BDKRB2: variants seen among roughly 807,000 people sequenced by gnomAD.
BDKRB2 encodes the protein B2 bradykinin receptor.
BDKRB2 carries 6 observed loss-of-function variants against 4.0 expected under a neutral mutation model. The ratio of observed to expected loss-of-function variants is 1.49; its 90% CI spans 0.81 to 2.93. The LOEUF is 2.93. Ranked by LOEUF, BDKRB2 falls within the 30% of genes most tolerant of loss-of-function variation. The pLI, the probability that BDKRB2 is intolerant of heterozygous loss-of-function variation, is 0.00. For synonymous variants in BDKRB2, 225 were observed against 215.3 expected, an observed-to-expected ratio of 1.05 and a Z score of -0.40; for missense variants, 478 against 520.1, an observed-to-expected ratio of 0.92 and a Z score of 0.79.
intron 1 of BDKRB2, among the ~76,000 whole-genome samples, chr14:96,223,732 T>C (rs1890631159): frequency 1.3e-5 from 2 of 152,156 alleles, no homozygotes; most frequent in Non-Finnish European, 2.9e-5. Flanking sequence ...TGTGGATTTA[T>C]GTTTCAGCGT....
At chr14:96,223,803 G>C (rs982047731) in intron 1 of BDKRB2, among the ~76,000 whole-genome samples, 26 of 151,490 alleles carry the variant, frequency 1.7e-4, no homozygotes, top group African/African-American at 5.1e-4. Context: ...GATTAACAAG[G>C]AAGTTTTTAT....
chr14:96,215,220 A>G (rs1255616634), intron 1 of BDKRB2, among the ~76,000 whole-genome samples: 1 of 152,220 alleles, frequency 6.6e-6, no homozygotes, highest in Non-Finnish European at 1.5e-5. Context: ...TGTATGTACA[A>G]TTTGGTTACC....
chr14:96,225,199 A>G (rs1171296506), intron 1 of BDKRB2, among the ~76,000 whole-genome samples: 2 of 152,128 alleles, frequency 1.3e-5, no homozygotes, highest in Non-Finnish European at 2.9e-5. Context: ...ACGGTTGTAC[A>G]AAGGTCTCCA....
intron 2 of BDKRB2, chr14:96,238,702 C>G (rs375652291): frequency 2.1e-6 from 2 of 974,568 alleles, no homozygotes; most frequent in Admixed American, 6.1e-5. Flanking sequence ...CTGCCTGGTC[C>G]ACTTGTCCTC....
chr14:96,227,506 T>C (rs1890722396), intron 1 of BDKRB2, among the ~76,000 whole-genome samples: 2 of 152,112 alleles, frequency 1.3e-5, no homozygotes, highest in Admixed American at 1.3e-4. Flanking sequence ...TGACCCATGC[T>C]CTTCCAACAT....
At chr14:96,214,340 G>A (rs191766136) in intron 1 of BDKRB2, among the ~76,000 whole-genome samples, 39 of 152,302 alleles carry the variant, frequency 2.6e-4, no homozygotes, top group Non-Finnish European at 5.0e-4. Context: ...GGATTTGGGG[G>A]AAAGAGGAGG....
rs957013287 is a variant in BDKRB2, at chr14:96,214,869, G to C, written c.-40+9910G>C. On this transcript the variant is annotated intron_variant, in intron 1 of 2. Coordinates refer to ENST00000554311, the MANE Select transcript of BDKRB2 (RefSeq NM_001379692.1). Reference sequence around the variant, plus strand: ...AGGTTGGGGAGTTGGTGGGGGCGGGGACAGGCAATCCATAAAGCAAGAAAA... The same window carrying C: ...AGGTTGGGGAGTTGGTGGGGGCGGGCACAGGCAATCCATAAAGCAAGAAAA... 3 of 152,224 alleles carry C rather than the reference G, an allele frequency of 2.0e-5. No homozygotes were observed. The East Asian group carries it at 5.8e-4, about 29-fold the overall frequency. The allele number at this position is 152,224 out of a possible 1,614,324, so 9.4% of individuals were successfully genotyped here. A position where few individuals can be genotyped will look rare whatever the true frequency, so the allele number is the denominator to read the frequency against.
At chr14:96,225,659 A>G (rs1450282905) in intron 1 of BDKRB2, among the ~76,000 whole-genome samples, 2 of 152,238 alleles carry the variant, frequency 1.3e-5, no homozygotes, top group South Asian at 4.1e-4. Flanking sequence ...GCAGATAGGG[A>G]TAAAACTCCA....
chr14:96,233,533 T>C (rs2139792035), intron 1 of BDKRB2: 1 of 152,332 alleles, frequency 6.6e-6, no homozygotes, highest in Middle Eastern at 3.4e-3. Flanking sequence ...AACAATCACA[T>C]AGTCCTTCTG....
chr14:96,238,463 G>A (rs1890989532), intron 2 of BDKRB2: 1 of 985,494 alleles, frequency 1.0e-6, no homozygotes, highest in South Asian at 4.7e-5. Flanking sequence ...GCATATGAAA[G>A]CCACCACACA....
At chr14:96,237,815 G>C in intron 2 of BDKRB2, 1 of 1,289,796 alleles carries the variant, frequency 7.8e-7, no homozygotes, top group Non-Finnish European at 1.0e-6. Flanking sequence ...GCATCTTTCT[G>C]ATGATCCGAT....
chr14:96,238,467 CCA>C (rs1029065533), intron 2 of BDKRB2: 6 of 985,524 alleles, frequency 6.1e-6, no homozygotes, highest in Non-Finnish European at 7.2e-6. Context: ...ATGAAAGCCA[CCA>C]CACACCACAG....
intron 1 of BDKRB2, among the ~76,000 whole-genome samples, chr14:96,228,762 C>G (rs1332190296): frequency 1.3e-5 from 2 of 152,156 alleles, no homozygotes; most frequent in Non-Finnish European, 2.9e-5. Context: ...GAGAGCTGTC[C>G]TCCTCTACCC....
At chr14:96,222,473 C>A (rs1595253980) in intron 1 of BDKRB2, among the ~76,000 whole-genome samples, 1 of 151,958 alleles carries the variant, frequency 6.6e-6, no homozygotes, top group Non-Finnish European at 1.5e-5. Flanking sequence ...CCTATCCAGC[C>A]ACCACCAAGA....
At chr14:96,206,498 G>T (rs1368802811) in intron 1 of BDKRB2, among the ~76,000 whole-genome samples, 1 of 152,136 alleles carries the variant, frequency 6.6e-6, no homozygotes, top group Non-Finnish European at 1.5e-5. Context: ...TGGATCTGAG[G>T]ACTTTGAAAG....
At chr14:96,232,095 C>G (rs1206688824) in intron 1 of BDKRB2, among the ~76,000 whole-genome samples, 1 of 152,180 alleles carries the variant, frequency 6.6e-6, no homozygotes, top group East Asian at 1.9e-4. Flanking sequence ...CCCTGACACC[C>G]CACAGCCCCT....
chr14:96,239,768 G>A (rs1885223066), intron 2 of BDKRB2: 1 of 981,218 alleles, frequency 1.0e-6, no homozygotes, highest in Admixed American at 6.2e-5. Flanking sequence ...AGGCAGCCAG[G>A]ATGTGAACCC....
rs1885287120 is a variant in BDKRB2, at chr14:96,241,369, C to A, written c.1041C>A (p.Tyr347Ter). 1.9e-6 allele frequency: 3 copies of A among 1,613,716 alleles called. No homozygotes were observed. Among genetic ancestry groups the A allele is most frequent in the Non-Finnish European group, 1.7e-6 (2 of 1,180,008 alleles). Residue 347 changes from tyrosine (Y) to a stop codon, truncating the protein, a stop_gained, in exon 3 of 3, where the codon TAC becomes TAA. Transcript: ENST00000554311. LOFTEE classifies it low-confidence loss of function (END_TRUNC). ...KRFRKKSWEVYQGVCQKGGCR... is the reference protein window; with the variant it reads ...KRFRKKSWEV The stretch of plus-strand genomic sequence containing the variant: ...TCCGAAAGAAGTCTTGGGAGGTGTA[C>A]CAGGGAGTGTGCCAGAAAGGGGGCT...
Position 96,244,133 on chromosome 14 carries a change from G to T in BDKRB2, c.*2629G>T, listed in dbSNP as rs977573843. ...AATCATGTAAACATGTGTCTTTTCT[G>T]TAGAGCATAATAAATGGATGAGGTT... is the stretch of plus-strand genomic sequence containing the variant. On this transcript the variant is annotated 3_prime_UTR_variant, in exon 3 of 3. Coordinates refer to ENST00000554311, the MANE Select transcript of BDKRB2 (RefSeq NM_001379692.1). The T allele has an allele frequency of 2.5e-6, 1 of 398,624 alleles. No homozygotes were observed. Among genetic ancestry groups the T allele is most frequent in the Non-Finnish European group, 4.4e-6 (1 of 226,068 alleles). The allele number at this position is 398,624 out of a possible 1,614,324, so 24.7% of individuals were successfully genotyped here.
Sources: gnomAD v4.1 joint callset for allele counts (sites outside exome capture counted in the v4.1 genomes callset) on GRCh38, gnomAD v4.1.1 for gene constraint, MANE v1.5 for transcripts, NCBI Gene and HGNC (gene_info 2026-07-23, HGNC 2026-07-21) for gene names.